Variants in FARP2 observed in about 807,000 individuals in gnomAD.
The protein encoded by FARP2 is FERM, ARHGEF and pleckstrin domain-containing protein 2.
FARP2 carries 111 observed loss-of-function variants against 130.5 expected under a neutral mutation model. That is an observed-to-expected ratio of 0.85 (90% CI 0.73 to 1.00). FARP2 has a LOEUF of 1.00. FARP2 is among the 50% of genes least tolerant of loss of function. The pLI is 0.00. For synonymous variants in FARP2, 504 were observed against 516.9 expected (o/e 0.98, Z 0.34); for missense variants, 1,385 against 1,346.3 (o/e 1.03, Z -0.45).
chr2:241,385,127 A>G (rs1267272091), intron 2 of FARP2, among the ~76,000 whole-genome samples: 1 of 152,206 alleles, frequency 6.6e-6, no homozygotes, highest in Non-Finnish European at 1.5e-5. Flanking sequence ...AGGATTTCGT[A>G]ATGAATCTTC....
chr2:241,404,962 C>T lies in FARP2; in HGVS notation c.331+121C>T. The T allele has an allele frequency of 1.2e-5, 8 of 664,586 alleles. 1 individual carries two copies. In the South Asian group the frequency reaches 1.6e-4, roughly 13 times the overall value. The allele number at this position is 664,586 out of a possible 1,614,324, so 41.2% of individuals were successfully genotyped here. A position where few individuals can be genotyped will look rare whatever the true frequency, so the allele number is the denominator to read the frequency against. On this transcript the variant is annotated intron_variant, in intron 4 of 26. Coordinates refer to ENST00000264042, the MANE Select transcript of FARP2 (RefSeq NM_014808.4). ...GTGTATGGTTAGCAAGAAGTAATCA[C>T]CAATAGCGGACAAACTTGGAAGTCA...
intron 13 of FARP2, among the ~76,000 whole-genome samples, chr2:241,455,809 G>A (rs1020041519): frequency 2.1e-4 from 27 of 128,342 alleles, no homozygotes; most frequent in South Asian, 5.0e-4. Flanking sequence ...GTGCGATCTC[G>A]GCTCACTGCA....
At position 241,465,428 on chromosome 2, in the gene FARP2, T is replaced by G. The variant is rs560668902; in HGVS notation, c.1893+1448T>G. The G allele has an allele frequency of 7.7e-4, 1,176 of 1,533,872 alleles. 1 individual carries two copies. Among genetic ancestry groups the G allele is most frequent in the Non-Finnish European group, 9.6e-4 (1,092 of 1,132,014 alleles). On this transcript the variant is annotated intron_variant, in intron 17 of 26. Transcript: ENST00000264042. ...CAGGGCCCTGGGACTTGTTTCCACC[T>G]TGGCTGCTAGGCTCATAGGTTTTTC...
chr2:241,420,226 A>G (rs909362073), intron 8 of FARP2, among the ~76,000 whole-genome samples: 9 of 152,264 alleles, frequency 5.9e-5, no homozygotes, highest in Admixed American at 2.0e-4. Flanking sequence ...GGGCAACTGT[A>G]CAAACAAGGA....
chr2:241,472,267 G>A (rs2064341917), intron 18 of FARP2, among the ~76,000 whole-genome samples: 2 of 151,348 alleles, frequency 1.3e-5, no homozygotes, highest in South Asian at 4.2e-4. Context: ...CTGTTGTGAG[G>A]GGATTCTGTT....
At chr2:241,483,864 G>A in intron 20 of FARP2, 7 of 985,460 alleles carry the variant, frequency 7.1e-6, no homozygotes, top group Non-Finnish European at 8.4e-6. Flanking sequence ...TGGCCCAATG[G>A]CCAGTCGGGA....
At chr2:241,392,922 A>G (rs1468118606) in intron 2 of FARP2, among the ~76,000 whole-genome samples, 1 of 151,252 alleles carries the variant, frequency 6.6e-6, no homozygotes, top group Non-Finnish European at 1.5e-5. Flanking sequence ...CAGCCTGGGC[A>G]ATAGAGCGAG....
In FARP2 at chr2:241,413,308, G is replaced by A. The variant is rs144589035; in HGVS notation, c.510G>A (p.Ser170=). ...TTACTTACTTTTAACCTATCTCAGC[G>A]GAAATAGGAGATTACGATGAAACGC... ...AALLTSHLLQ[S]EIGDYDETLD... Residue 170 remains serine, a splice_region_variant and synonymous_variant, in exon 7 of 27, where the codon TCG becomes TCA. Coordinates refer to ENST00000264042, the MANE Select transcript of FARP2 (RefSeq NM_014808.4). 14 of 1,594,560 alleles carry A rather than the reference G, an allele frequency of 8.8e-6. No homozygotes were observed. Among genetic ancestry groups the A allele is most frequent in the Middle Eastern group, 1.6e-4 (1 of 6,064 alleles).
chr2:241,366,138 T>TATATATATATACGTATATATATATAC (rs1491421503), intron 1 of FARP2, among the ~76,000 whole-genome samples: 9 of 138,446 alleles, frequency 6.5e-5, no homozygotes, highest in East Asian at 6.4e-4. Flanking sequence ...TATATATATA[T>TATATATATATACGTATATATATATAC]ACACACACAC....
chr2:241,398,552 G>A (rs867401431), intron 2 of FARP2, among the ~76,000 whole-genome samples: 17 of 151,518 alleles, frequency 1.1e-4, no homozygotes, highest in Middle Eastern at 3.4e-3. Context: ...GCTCCTATGA[G>A]TAAAGCTTCT....
intron 13 of FARP2, 58 bp downstream of exon 13, chr2:241,441,614 G>GT: frequency 6.2e-7 from 1 of 1,612,340 alleles, no homozygotes; most frequent in Non-Finnish European, 8.5e-7. Context: ...GGGGGGCAGA[G>GT]TTTCAGTGCC....
intron 4 of FARP2, 70 bp from the exon 5 acceptor site, chr2:241,407,467 A>G: frequency 3.6e-6 from 4 of 1,110,074 alleles, no homozygotes; most frequent in South Asian, 2.5e-5. Flanking sequence ...TCAGTTATAC[A>G]GTAATATATG....
Position 241,441,312 on chromosome 2 carries a change from A to G in FARP2, c.1167A>G (p.Ser389=), listed in dbSNP as rs1297963637. Residue 389 remains serine, a synonymous_variant, in exon 13 of 27, where the codon TCA becomes TCG. Transcript: ENST00000264042. ...LTADLPKQSI[S]FPEGLRTPAS... The stretch of plus-strand genomic sequence containing the variant: ...TTAACTTTGGTTCCCAGAGCATCTC[A>G]TTCCCCGAGGGATTGAGGACTCCTG... 2 of 1,581,398 alleles carry G rather than the reference A, an allele frequency of 1.3e-6. No homozygotes were observed. Among genetic ancestry groups the G allele is most frequent in the Non-Finnish European group, 8.6e-7 (1 of 1,161,794 alleles).
In FARP2 at chr2:241,491,684, G is replaced by T; in HGVS notation, c.2787+5G>T. Reference sequence around the variant, plus strand: ...GACCACAGTGCAGCTGTCGAGGTACGACCGCATGAGCACCACCTCAGTGCA... The same window carrying T: ...GACCACAGTGCAGCTGTCGAGGTACTACCGCATGAGCACCACCTCAGTGCA... On this transcript the variant is annotated splice_donor_5th_base_variant and intron_variant, in intron 24 of 26. Transcript: ENST00000264042. 1 of 1,587,686 alleles carries T rather than the reference G, an allele frequency of 6.3e-7. No individual in the cohort carries two copies. The highest frequency in any genetic ancestry group is 1.1e-5 in the South Asian group (1 of 87,676).
intron 13 of FARP2, among the ~76,000 whole-genome samples, chr2:241,450,255 C>T (rs955199411): frequency 4.6e-5 from 7 of 151,894 alleles, no homozygotes; most frequent in Non-Finnish European, 1.0e-4. Flanking sequence ...TCCAGCTACT[C>T]GGAAGGCTGA....
intron 4 of FARP2, among the ~76,000 whole-genome samples, chr2:241,406,041 C>G (rs527301349): frequency 6.6e-6 from 1 of 151,916 alleles, no homozygotes; most frequent in Non-Finnish European, 1.5e-5. Context: ...CGGTGGCTCA[C>G]GCCTGTAATC....
rs1003166479 is a variant in FARP2, at chr2:241,482,890, G to T, written c.2263-575G>T. On this transcript the variant is annotated intron_variant, in intron 19 of 26. Coordinates refer to ENST00000264042, the MANE Select transcript of FARP2 (RefSeq NM_014808.4). The surrounding 1 kb of genome is among the most constrained non-coding windows in gnomAD (Gnocchi z 4.6). ...GCAGGATTCTTTTTTCTTATCTAAC[G>T]CCCTGTGGTGGACGAGGTGGTGCTA... is the stretch of plus-strand genomic sequence containing the variant. Among the ~76,000 whole-genome samples the T allele has an allele frequency of 6.6e-6, 1 of 152,082 alleles. No individual in the cohort carries two copies. Among genetic ancestry groups the T allele is most frequent in the African/African-American group, 2.4e-5 (1 of 41,420 alleles).
chr2:241,368,672 A>G (rs1220067642), intron 1 of FARP2, among the ~76,000 whole-genome samples: 8 of 151,982 alleles, frequency 5.3e-5, no homozygotes, highest in Non-Finnish European at 1.5e-5. Flanking sequence ...GAGTCTCACT[A>G]TGTTGCCCAG....
chr2:241,415,267 T>C (rs1225553414), intron 7 of FARP2, among the ~76,000 whole-genome samples: 2 of 152,180 alleles, frequency 1.3e-5, no homozygotes, highest in Non-Finnish European at 2.9e-5. Context: ...GTTGCCATTA[T>C]TCTAGCTGGT....
Sources: gnomAD v4.1 joint callset for allele counts (sites outside exome capture counted in the v4.1 genomes callset) on GRCh38, gnomAD v4.1.1 for gene constraint, Gnocchi (gnomAD v3.1) non-coding constraint, MANE v1.5 for transcripts, NCBI Gene and HGNC (gene_info 2026-07-23, HGNC 2026-07-21) for gene names.